MCTP2: variants seen among roughly 807,000 people sequenced by gnomAD.
MCTP2 encodes the protein multiple C2 and transmembrane domain containing 2, also known as multiple C2 and transmembrane domain-containing protein 2.
In MCTP2, 132 loss-of-function variants were observed where a neutral mutation model predicts 111.6. The observed-to-expected ratio is 1.18, with a 90% CI of 1.03 to 1.37. The LOEUF (loss-of-function observed/expected upper bound fraction) is 1.37. MCTP2 is among the 40% of genes most tolerant of loss of function. MCTP2 has a pLI of 0.00. For synonymous variants in MCTP2, 395 were observed against 387.7 expected (o/e 1.02, Z -0.22); for missense variants, 1,183 against 1,067.9 (o/e 1.11, Z -1.50).
intron 2 of MCTP2, among the ~76,000 whole-genome samples, chr15:94,301,876 A>G (rs1480704937): frequency 6.7e-6 from 1 of 148,324 alleles, no homozygotes; most frequent in East Asian, 2.0e-4. Flanking sequence ...TGCAGAATTC[A>G]TGTCACCTGA....
At chr15:94,338,695 A>T (rs776278688) in intron 4 of MCTP2, among the ~76,000 whole-genome samples, 1 of 152,196 alleles carries the variant, frequency 6.6e-6, no homozygotes, top group Non-Finnish European at 1.5e-5. Context: ...TGTGGAGTTC[A>T]GCTGCCCTGG....
chr15:94,393,024 A>T (rs936783004), intron 14 of MCTP2, among the ~76,000 whole-genome samples: 14 of 152,302 alleles, frequency 9.2e-5, no homozygotes, highest in African/African-American at 2.9e-4. Context: ...TGTAACAAAT[A>T]TGAAATTATG....
chr15:94,389,242 G>T (rs2080712734), intron 14 of MCTP2, among the ~76,000 whole-genome samples: 1 of 152,058 alleles, frequency 6.6e-6, no homozygotes, highest in Non-Finnish European at 1.5e-5. Context: ...GAGGGTCCAG[G>T]AATGAGGGGA....
chr15:94,394,931 A>T (rs1170138524), intron 14 of MCTP2, among the ~76,000 whole-genome samples: 1 of 152,158 alleles, frequency 6.6e-6, no homozygotes, highest in Non-Finnish European at 1.5e-5. Context: ...GGATTGTCTC[A>T]AAAAGGAAGA....
Position 94,398,976 on chromosome 15 carries a change from C to A in MCTP2, c.1804C>A (p.Pro602Thr). The A allele has an allele frequency of 6.4e-7, 1 of 1,553,486 alleles. No individual in the cohort carries two copies. Among genetic ancestry groups the A allele is most frequent in the Non-Finnish European group, 8.9e-7 (1 of 1,126,078 alleles). Residue 602 changes from proline (P) to threonine (T), a missense_variant, in exon 15 of 23, where the codon CCG becomes ACG. By Grantham distance (38) the Pro-to-Thr change is conservative. Transcript: ENST00000357742. ...IPLLSIRDGQ[P>T]NCYVLKNKDL... ...TTTGTGACAGATTAGAGATGGACAA[C>A]CGAATTGTTATGTACTAAAGAATAA...
At chr15:94,252,788 G>A (rs1413979516) in intron 1 of MCTP2, among the ~76,000 whole-genome samples, 1 of 152,178 alleles carries the variant, frequency 6.6e-6, no homozygotes, top group Non-Finnish European at 1.5e-5. Flanking sequence ...GACATGAAAA[G>A]TATGATATAA....
chr15:94,251,000 TGATTA>T (rs1358824629), intron 1 of MCTP2, among the ~76,000 whole-genome samples: 1 of 152,232 alleles, frequency 6.6e-6, no homozygotes, highest in Non-Finnish European at 1.5e-5. Context: ...CTATGGAAGA[TGATTA>T]GATAAGAGTG....
intron 1 of MCTP2, among the ~76,000 whole-genome samples, chr15:94,255,672 G>T (rs2072717544): frequency 6.6e-6 from 1 of 152,106 alleles, no homozygotes; most frequent in Non-Finnish European, 1.5e-5. Flanking sequence ...ATGCTGAGTG[G>T]CATTAAGGGT....
At chr15:94,471,036 C>G (rs1314960379) in intron 21 of MCTP2, among the ~76,000 whole-genome samples, 1 of 152,108 alleles carries the variant, frequency 6.6e-6, no homozygotes, top group Non-Finnish European at 1.5e-5. Flanking sequence ...AAAGTAGAAA[C>G]AAAACTGGCA....
intron 14 of MCTP2, among the ~76,000 whole-genome samples, chr15:94,393,888 A>G (rs950574942): frequency 6.6e-6 from 1 of 151,830 alleles, no homozygotes; most frequent in African/African-American, 2.4e-5. Context: ...TGTCTCTACT[A>G]AAAATACAAA....
intron 16 of MCTP2, 32 bp from the exon 17 acceptor site, chr15:94,401,868 C>A (rs755632348): frequency 6.4e-7 from 1 of 1,571,994 alleles, no homozygotes; most frequent in Non-Finnish European, 8.7e-7. Context: ...GTATTTAAAT[C>A]TAGTTTCCTG....
intron 19 of MCTP2, 52 bp from the exon 20 acceptor site, chr15:94,458,085 G>A (rs922972936): frequency 1.0e-5 from 10 of 963,138 alleles, no homozygotes; most frequent in Non-Finnish European, 1.5e-5. Context: ...TTCTGTATCA[G>A]CATGATAAAA....
At chr15:94,422,551 C>G (rs1421749947) in intron 17 of MCTP2, among the ~76,000 whole-genome samples, 1 of 152,154 alleles carries the variant, frequency 6.6e-6, no homozygotes, top group African/African-American at 2.4e-5. Flanking sequence ...TCCCATTTCC[C>G]TTGCCCACTT....
chr15:94,311,727 A>T (rs929932626), intron 2 of MCTP2, among the ~76,000 whole-genome samples: 7 of 152,344 alleles, frequency 4.6e-5, no homozygotes, highest in African/African-American at 1.7e-4. Flanking sequence ...GTCATTGCTC[A>T]CATTGAATTT....
chr15:94,281,790 G>C (rs1400219987), intron 1 of MCTP2, among the ~76,000 whole-genome samples: 3 of 152,016 alleles, frequency 2.0e-5, no homozygotes, highest in African/African-American at 7.2e-5. Flanking sequence ...GTCTGAAAAG[G>C]ATTTTATATC....
intron 20 of MCTP2, among the ~76,000 whole-genome samples, chr15:94,458,660 A>G (rs1019976800): frequency 6.6e-6 from 1 of 152,220 alleles, no homozygotes; most frequent in African/African-American, 2.4e-5. Flanking sequence ...CCAATTCTCC[A>G]AAGAAAGATA....
chr15:94,360,852 AT>A (rs36116474), intron 10 of MCTP2, among the ~76,000 whole-genome samples: 19,885 of 146,988 alleles, frequency 0.14, 1,529 homozygotes, highest in African/African-American at 0.19. Flanking sequence ...ATTTTAAAGA[AT>A]TTTTTTTTTT....
chr15:94,302,869 G>A (rs547995032), intron 2 of MCTP2, among the ~76,000 whole-genome samples: 13 of 151,910 alleles, frequency 8.6e-5, no homozygotes, highest in South Asian at 4.1e-4. Flanking sequence ...ATAACGAGAC[G>A]GGGCAAATTA....
chr15:94,431,504 A>G (rs930489719), intron 17 of MCTP2, among the ~76,000 whole-genome samples: 4 of 152,304 alleles, frequency 2.6e-5, no homozygotes, highest in Admixed American at 2.6e-4. Context: ...AATCAGTTCG[A>G]TGCTGTTGAT....
Sources: allele counts gnomAD v4.1 joint callset (sites outside exome capture counted in the v4.1 genomes callset), GRCh38; gene constraint gnomAD v4.1.1; transcripts MANE v1.5; gene names NCBI Gene and HGNC (gene_info 2026-07-23, HGNC 2026-07-21).